Variants in GLIS1 observed in about 807,000 individuals in gnomAD.
The protein encoded by GLIS1 is zinc finger protein GLIS1.
Under a neutral mutation model 63.8 loss-of-function variants are expected in GLIS1, and 24 were observed. That is an observed-to-expected ratio of 0.38 (90% CI 0.27 to 0.53). The LOEUF is 0.53. Among genes scored for constraint, GLIS1 ranks in the 20% least tolerant of loss-of-function variants. The probability of loss-of-function intolerance (pLI) is 0.85; values close to 1 mark genes in which losing one functional copy is unlikely to be tolerated. For missense variants in GLIS1, 1,036 were observed against 1,074.1 expected, an observed-to-expected ratio of 0.96 and a Z score of 0.50; for synonymous variants, 450 against 482.5, an observed-to-expected ratio of 0.93 and a Z score of 0.88.
rs575616443 is a variant in GLIS1, at chr1:53,511,909, G to A, written c.1884-1882C>T. On this transcript the variant is annotated intron_variant, in intron 8 of 10. Transcript: ENST00000628545. This position sits in a 1 kb window ranked among gnomAD's most constrained non-coding sequence, Gnocchi z 4.2. Reference sequence around the variant, plus strand: ...CCTGAAGCCCCTGTAGGGAGGGCCAGGTCTTGGCCCTTCTCGGTCACCCGG... The same window carrying A: ...CCTGAAGCCCCTGTAGGGAGGGCCAAGTCTTGGCCCTTCTCGGTCACCCGG... Among the ~76,000 whole-genome samples, 100 of 152,328 alleles carry A rather than the reference G, an allele frequency of 6.6e-4. No homozygotes were observed. The highest frequency in any genetic ancestry group is 3.4e-3 in the Middle Eastern group (1 of 294).
intron 8 of GLIS1, among the ~76,000 whole-genome samples, chr1:53,513,528 A>C: frequency 6.6e-6 from 1 of 150,790 alleles, no homozygotes. Context: ...CACTCATCCA[A>C]CTCCAGCCTC....
intron 3 of GLIS1, among the ~76,000 whole-genome samples, chr1:53,597,194 A>C (rs1188153713): frequency 3.4e-5 from 5 of 146,080 alleles, no homozygotes; most frequent in South Asian, 4.5e-4. Context: ...AAAAAAAAAA[A>C]AAAAAAAAAA....
chr1:53,577,217 C>A lies in GLIS1; in HGVS notation c.1320+16891G>T, dbSNP rs1050807773. 3.3e-5 allele frequency among the ~76,000 whole-genome samples: 5 copies of A among 152,078 alleles called. No individual in the cohort carries two copies. In the East Asian group the frequency reaches 5.8e-4, roughly 18 times the overall value. On this transcript the variant is annotated intron_variant, in intron 4 of 10. Transcript: ENST00000628545. ...AGCTCCAGACTTGCGCATCCCCTAC[C>A]CCCCTGGGGCCCTCTGGCTGACACC...
intron 1 of GLIS1, among the ~76,000 whole-genome samples, chr1:53,738,620 C>T (rs946392223): frequency 2.0e-5 from 3 of 152,202 alleles, no homozygotes; most frequent in Non-Finnish European, 4.4e-5. Flanking sequence ...CGAGGGAAAC[C>T]CCCAGAGACT....
chr1:53,573,702 G>A (rs1324062576), intron 4 of GLIS1, among the ~76,000 whole-genome samples: 4 of 152,232 alleles, frequency 2.6e-5, no homozygotes, highest in Admixed American at 6.5e-5. Flanking sequence ...TGAGGAGCAC[G>A]CAGATGCATG....
chr1:53,530,986 T>C (rs557398463), intron 4 of GLIS1, among the ~76,000 whole-genome samples: 17 of 152,316 alleles, frequency 1.1e-4, no homozygotes, highest in African/African-American at 4.1e-4. Flanking sequence ...ACACAACAGC[T>C]GTGAAGTATA....
chr1:53,611,581 A>G (rs1336837729), intron 2 of GLIS1, among the ~76,000 whole-genome samples: 1 of 152,224 alleles, frequency 6.6e-6, no homozygotes, highest in Non-Finnish European at 1.5e-5. Context: ...TTTGCTTCTT[A>G]AAGGCAGGTA....
chr1:53,611,047 T>C (rs962704887), intron 2 of GLIS1, among the ~76,000 whole-genome samples: 1 of 152,214 alleles, frequency 6.6e-6, no homozygotes, highest in African/African-American at 2.4e-5. Context: ...TATTAAATTC[T>C]CTATTTATCA....
intron 7 of GLIS1, among the ~76,000 whole-genome samples, chr1:53,516,073 G>A (rs1405122593): frequency 2.0e-5 from 3 of 152,114 alleles, no homozygotes; most frequent in Admixed American, 6.5e-5. Context: ...GGGCTAGCCC[G>A]GGGCTGCACT....
chr1:53,571,721 C>T (rs372796779), intron 4 of GLIS1, among the ~76,000 whole-genome samples: 18 of 152,060 alleles, frequency 1.2e-4, no homozygotes, highest in East Asian at 3.8e-4. Flanking sequence ...GGACTATAGG[C>T]GCCCGCCACC....
intron 4 of GLIS1, among the ~76,000 whole-genome samples, chr1:53,535,832 T>C (rs1644576030): frequency 1.3e-5 from 2 of 151,984 alleles, no homozygotes; most frequent in Non-Finnish European, 2.9e-5. Context: ...AAACCCTGCA[T>C]GGTTCCCCAG....
At chr1:53,652,507 C>A (rs993109909) in intron 2 of GLIS1, among the ~76,000 whole-genome samples, 6 of 152,128 alleles carry the variant, frequency 3.9e-5, no homozygotes, top group African/African-American at 1.4e-4. Flanking sequence ...AGCCCCAAAC[C>A]ATTCTGGGAT....
chr1:53,672,247 G>A (rs1227026448), intron 2 of GLIS1, among the ~76,000 whole-genome samples: 1 of 152,202 alleles, frequency 6.6e-6, no homozygotes, highest in African/African-American at 2.4e-5. Context: ...GCAGGGCAGT[G>A]GGCAGAACAT....
intron 8 of GLIS1, among the ~76,000 whole-genome samples, chr1:53,512,558 G>A (rs1316524361): frequency 6.6e-6 from 1 of 152,112 alleles, no homozygotes; most frequent in African/African-American, 2.4e-5. Context: ...GAGGCTGAAG[G>A]CCCTTTCCCC....
chr1:53,608,336 A>G (rs1207927481), intron 2 of GLIS1, among the ~76,000 whole-genome samples: 5 of 152,140 alleles, frequency 3.3e-5, no homozygotes, highest in African/African-American at 1.2e-4. Flanking sequence ...AACTTTAATT[A>G]CTTCCTTAGA....
intron 7 of GLIS1, among the ~76,000 whole-genome samples, chr1:53,517,106 G>A (rs762534658): frequency 2.0e-5 from 3 of 152,092 alleles, no homozygotes; most frequent in Non-Finnish European, 4.4e-5. Flanking sequence ...TGAATGACTT[G>A]TCCAAAGTCA....
At chr1:53,629,368 G>A (rs1645628494) in intron 2 of GLIS1, among the ~76,000 whole-genome samples, 2 of 152,288 alleles carry the variant, frequency 1.3e-5, no homozygotes, top group South Asian at 4.1e-4. Flanking sequence ...CTATCACTCT[G>A]TAGCATCATG....
intron 2 of GLIS1, among the ~76,000 whole-genome samples, chr1:53,616,148 T>G (rs888832589): frequency 6.6e-6 from 1 of 152,186 alleles, no homozygotes; most frequent in Non-Finnish European, 1.5e-5. Flanking sequence ...AGTTATAAAA[T>G]TCCATGATTC....
chr1:53,653,367 C>T (rs532086234), intron 2 of GLIS1, among the ~76,000 whole-genome samples: 214 of 152,202 alleles, frequency 1.4e-3, no homozygotes, highest in Middle Eastern at 6.8e-3. Context: ...GCCCACAGTC[C>T]TCTCAGGGCC....
Sources: allele counts gnomAD v4.1 joint callset (sites outside exome capture counted in the v4.1 genomes callset), GRCh38; gene constraint gnomAD v4.1.1; non-coding constraint Gnocchi (gnomAD v3.1); transcripts MANE v1.5; gene names NCBI Gene and HGNC (gene_info 2026-07-23, HGNC 2026-07-21).